CRACD: variants seen among roughly 807,000 people sequenced by gnomAD.
CRACD encodes the protein capping protein-inhibiting regulator of actin dynamics.
In CRACD, 56 loss-of-function variants were observed where a neutral mutation model predicts 106.8. That is an observed-to-expected ratio of 0.52 (90% CI 0.42 to 0.66). The LOEUF is 0.66. Among genes scored for constraint, CRACD ranks in the 30% least tolerant of loss-of-function variants. The pLI is 0.00. For synonymous variants in CRACD, 754 were observed against 670.8 expected (o/e 1.12, Z -1.92); for missense variants, 1,730 against 1,623.2 (o/e 1.07, Z -1.13).
chr4:56,229,739 T>C (rs1279853312), intron 2 of CRACD, among the ~76,000 whole-genome samples: 3 of 152,226 alleles, frequency 2.0e-5, no homozygotes, highest in Non-Finnish European at 4.4e-5. Flanking sequence ...TACTGTATGG[T>C]ACCTTCTGAA....
intron 1 of CRACD, among the ~76,000 whole-genome samples, chr4:56,102,839 C>T (rs553871116): frequency 6.6e-6 from 1 of 152,352 alleles, no homozygotes; most frequent in South Asian, 2.1e-4. Context: ...TCAACAGGCA[C>T]TGACGTTCTC....
At chr4:56,318,226 G>T (rs1485292446) in intron 8 of CRACD, among the ~76,000 whole-genome samples, 1 of 152,000 alleles carries the variant, frequency 6.6e-6, no homozygotes, top group East Asian at 1.9e-4. Context: ...TGAACTCCTG[G>T]GATCATGCAT....
intron 2 of CRACD, among the ~76,000 whole-genome samples, chr4:56,220,412 T>C (rs577923134): frequency 6.6e-5 from 10 of 152,304 alleles, no homozygotes; most frequent in Admixed American, 4.6e-4. Context: ...GGGATTTTCA[T>C]TGGTGTATGC....
chr4:56,088,829 A>G (rs1366915453), intron 1 of CRACD, among the ~76,000 whole-genome samples: 3 of 151,944 alleles, frequency 2.0e-5, no homozygotes, highest in Admixed American at 6.6e-5. Flanking sequence ...GGGTTCAAGC[A>G]ATTCTCCTGC....
At position 56,159,412 on chromosome 4, in the gene CRACD, A is replaced by G. The variant is rs899091116; in HGVS notation, c.-335-19872A>G. Among the ~76,000 whole-genome samples the G allele has an allele frequency of 7.9e-5, 12 of 152,198 alleles. No homozygotes were observed. The South Asian group carries it at 2.1e-3, about 26-fold the overall frequency. On this transcript the variant is annotated intron_variant, in intron 1 of 10. Coordinates refer to ENST00000682029, the MANE Select transcript of CRACD (RefSeq NM_001393381.1). ...ACGCCTGTAATCCCAGCACTTTGGG[A>G]GGCCGAGGCGGGTGGATCACGAGGT...
chr4:56,202,764 T>G (rs981911432), intron 2 of CRACD, among the ~76,000 whole-genome samples: 1 of 152,212 alleles, frequency 6.6e-6, no homozygotes, highest in Non-Finnish European at 1.5e-5. Context: ...TAACTTTTAT[T>G]TTTTCTAATA....
chr4:56,108,598 G>A (rs115344089), intron 1 of CRACD, among the ~76,000 whole-genome samples: 3,629 of 152,144 alleles, frequency 0.024, 64 homozygotes, highest in Admixed American at 0.057. Flanking sequence ...CGTGGAGACC[G>A]GTAGTGGCCC....
At chr4:56,306,272 T>C (rs1183166560) in intron 4 of CRACD, among the ~76,000 whole-genome samples, 2 of 152,088 alleles carry the variant, frequency 1.3e-5, no homozygotes, top group African/African-American at 4.8e-5. Context: ...GGTGGGCGGA[T>C]TGCTTGAGAC....
Position 56,305,903 on chromosome 4 carries a change from G to A in CRACD, c.121-1632G>A, listed in dbSNP as rs988296070. 3.3e-5 allele frequency among the ~76,000 whole-genome samples: 5 copies of A among 152,194 alleles called. 1 individual carries two copies. Among genetic ancestry groups the A allele is most frequent in the South Asian group, 4.1e-4 (2 of 4,836 alleles). ...GACATTTCCCTCAAGGGATTCTTGC[G>A]CCAGGGAACATCATTGAAGTATTAG... On this transcript the variant is annotated intron_variant, in intron 4 of 10. Coordinates refer to ENST00000682029, the MANE Select transcript of CRACD (RefSeq NM_001393381.1).
At chr4:56,126,541 A>G (rs1210801615) in intron 1 of CRACD, among the ~76,000 whole-genome samples, 1 of 152,136 alleles carries the variant, frequency 6.6e-6, no homozygotes, top group Non-Finnish European at 1.5e-5. Context: ...TTTCACCTGC[A>G]CTGTTGTTAG....
chr4:56,251,739 A>T (rs1414534077), intron 2 of CRACD, among the ~76,000 whole-genome samples: 17 of 152,182 alleles, frequency 1.1e-4, no homozygotes, highest in Non-Finnish European at 2.5e-4. Context: ...CAGAGAGCTT[A>T]TTTAATCGCT....
At chr4:56,153,193 C>T (rs916782079) in intron 1 of CRACD, among the ~76,000 whole-genome samples, 53 of 152,078 alleles carry the variant, frequency 3.5e-4, no homozygotes, top group African/African-American at 1.0e-3. Flanking sequence ...GCAGGAGAAT[C>T]GCCTGAGCCT....
chr4:56,139,114 A>C (rs1380127478), intron 1 of CRACD, among the ~76,000 whole-genome samples: 1 of 152,210 alleles, frequency 6.6e-6, no homozygotes, highest in East Asian at 1.9e-4. Context: ...TTTCATCAAA[A>C]GGTGCTTCCA....
chr4:56,291,022 A>G (rs1200481811), intron 3 of CRACD, among the ~76,000 whole-genome samples: 3 of 152,210 alleles, frequency 2.0e-5, no homozygotes, highest in African/African-American at 7.2e-5. Context: ...TTAAATGACT[A>G]TATTGACAAT....
At chr4:56,255,764 A>T (rs1394929364) in intron 2 of CRACD, among the ~76,000 whole-genome samples, 1 of 152,194 alleles carries the variant, frequency 6.6e-6, no homozygotes, top group Non-Finnish European at 1.5e-5. Flanking sequence ...CTCTCCTTTT[A>T]ACCAGAAAAA....
At chr4:56,282,125 G>T (rs1365863911) in intron 3 of CRACD, among the ~76,000 whole-genome samples, 2 of 152,134 alleles carry the variant, frequency 1.3e-5, no homozygotes, top group Non-Finnish European at 2.9e-5. Flanking sequence ...GAGACTCACG[G>T]ATCTGTTTAG....
intron 4 of CRACD, 104 bp downstream of exon 4, chr4:56,298,453 C>A: frequency 7.5e-7 from 1 of 1,335,026 alleles, no homozygotes; most frequent in Non-Finnish European, 1.0e-6. Flanking sequence ...ATTGGGAGGT[C>A]CAGAGGTCAC....
rs1732562243 is a variant in CRACD, at chr4:56,069,421, T to TGGA, written c.-336+20124_-336+20126dup. 3.9e-5 allele frequency among the ~76,000 whole-genome samples: 6 copies of TGGA among 152,272 alleles called. No individual in the cohort carries two copies. In the South Asian group the frequency reaches 1.2e-3, roughly 32 times the overall value. ...GGCTGAAATCCTCAGGGACAGCGTC[T>TGGA]GGAGAAGAGAATAAGTTTATGGACC... is the stretch of plus-strand genomic sequence containing the variant. On this transcript the variant is annotated intron_variant, in intron 1 of 10. Transcript: ENST00000682029.
Position 56,323,465 on chromosome 4 carries a change from A to T in CRACD, c.3276A>T (p.Leu1092Phe). 6.2e-7 allele frequency: 1 copy of T among 1,612,136 alleles called. No homozygotes were observed. The highest frequency in any genetic ancestry group is 8.5e-7 in the Non-Finnish European group (1 of 1,179,466). Reference protein sequence around the residue: ...VETAQPLWITLALQKQKGFRE... With the variant: ...VETAQPLWITFALQKQKGFRE... ...CTGCTCAGCCGCTGTGGATAACGTTAGCACTGCAAAAGCAAAAGGGGTTTC... is the reference window on the plus strand; with the variant it reads ...CTGCTCAGCCGCTGTGGATAACGTTTGCACTGCAAAAGCAAAAGGGGTTTC... The change falls in exon 9 of 11, where the codon TTA becomes TTT. Residue 1092 changes from leucine to phenylalanine, a missense_variant. Physicochemically the swap from Leu to Phe is conservative, Grantham distance 22 (BLOSUM62 0). Around this residue, in one of 5 missense-constraint regions of CRACD, gnomAD observed 1,620 missense variants for 1,481.6 expected, o/e 1.09. Coordinates refer to ENST00000682029, the MANE Select transcript of CRACD (RefSeq NM_001393381.1).
Sources: allele counts gnomAD v4.1 joint callset (sites outside exome capture counted in the v4.1 genomes callset), GRCh38; gene constraint gnomAD v4.1.1; regional missense constraint gnomAD v4.1.1; transcripts MANE v1.5; gene names NCBI Gene and HGNC (gene_info 2026-07-23, HGNC 2026-07-21).